Variants in BCAR3 observed in about 807,000 individuals in gnomAD.
The protein encoded by BCAR3 is breast cancer anti-estrogen resistance protein 3.
Under a neutral mutation model 80.1 loss-of-function variants are expected in BCAR3, and 37 were observed. The ratio of observed to expected loss-of-function variants is 0.46; its 90% confidence interval spans 0.36 to 0.61. The LOEUF (loss-of-function observed/expected upper bound fraction) is 0.61, where lower values mean the gene tolerates loss of function less well. Among genes scored for constraint, BCAR3 ranks in the 20% least tolerant of loss-of-function variants. The pLI is 0.00. For synonymous variants in BCAR3, 389 were observed against 418.9 expected (o/e 0.93, Z 0.87); for missense variants, 978 against 1,068.2 (o/e 0.92, Z 1.18).
chr1:93,825,877 T>C (rs1654354093), intron 2 of BCAR3, among the ~76,000 whole-genome samples: 1 of 152,202 alleles, frequency 6.6e-6, no homozygotes, highest in Admixed American at 6.5e-5. Context: ...CTGCCCTAAT[T>C]TGCCCACATG....
chr1:93,568,962 C>G (rs1673091711), intron 9 of BCAR3, among the ~76,000 whole-genome samples: 1 of 152,198 alleles, frequency 6.6e-6, no homozygotes, highest in African/African-American at 2.4e-5. Flanking sequence ...GCTGGGACAA[C>G]AAACATGAGA....
intron 2 of BCAR3, among the ~76,000 whole-genome samples, chr1:93,768,428 C>T (rs997977391): frequency 6.6e-6 from 1 of 152,178 alleles, no homozygotes; most frequent in African/African-American, 2.4e-5. Flanking sequence ...AAACCTGCAC[C>T]ACCCATTTGG....
intron 3 of BCAR3, among the ~76,000 whole-genome samples, chr1:93,635,189 C>T (rs1675741358): frequency 6.6e-6 from 1 of 152,018 alleles, no homozygotes; most frequent in Non-Finnish European, 1.5e-5. Context: ...CACTGAACTC[C>T]AGCCTGGGCA....
intron 2 of BCAR3, among the ~76,000 whole-genome samples, chr1:93,668,061 A>C (rs1648012203): frequency 6.6e-6 from 1 of 152,144 alleles, no homozygotes; most frequent in African/African-American, 2.4e-5. Flanking sequence ...GAAGACTAAA[A>C]TACCTCACCT....
At chr1:93,693,748 C>T (rs970844028) in intron 3 of BCAR3, among the ~76,000 whole-genome samples, 8 of 152,176 alleles carry the variant, frequency 5.3e-5, no homozygotes, top group Non-Finnish European at 7.3e-5. Flanking sequence ...TCTGTAAACA[C>T]GGACTGCTGT....
At chr1:93,696,042 C>CT (rs35365686) in intron 3 of BCAR3, among the ~76,000 whole-genome samples, 19,921 of 145,940 alleles carry the variant, frequency 0.14, 1,452 homozygotes, top group African/African-American at 0.2. Context: ...CTGCTTCTCT[C>CT]TTTTTTTTTT....
chr1:93,685,931 T>G (rs180797104), upstream of BCAR3, among the ~76,000 whole-genome samples: 38 of 152,330 alleles, frequency 2.5e-4, no homozygotes, highest in Non-Finnish European at 1.5e-5. Flanking sequence ...TTTTTGGAAT[T>G]TGTATTCCTG....
Position 93,589,100 on chromosome 1 carries a change from G to A in BCAR3, c.806C>T (p.Ser269Phe), listed in dbSNP as rs747331253. ...LRCLEEHYGTSPGQAREGSLT... is the reference protein window; with the variant it reads ...LRCLEEHYGTFPGQAREGSLT... ...GCTGCCCTCCCGGGCCTGGCCTGGG[G>A]AGGTGCCATAATGCTCCTCCAGGCA... The change falls in exon 5 of 12, where the codon TCC (serine) becomes TTC (phenylalanine). Residue 269 changes from serine (S) to phenylalanine (F), a missense_variant. Physicochemically the swap from Ser to Phe is radical, Grantham distance 155. Transcript: ENST00000260502. 60 of 1,612,828 alleles carry A rather than the reference G, an allele frequency of 3.7e-5. No homozygotes were observed. Among genetic ancestry groups the A allele is most frequent in the Admixed American group, 5.0e-5 (3 of 59,976 alleles).
chr1:93,827,186 A>G (rs962421132), intron 2 of BCAR3, among the ~76,000 whole-genome samples: 1 of 152,186 alleles, frequency 6.6e-6, no homozygotes, highest in African/African-American at 2.4e-5. Flanking sequence ...CTAACAAGTG[A>G]AACAAAAGCA....
intron 3 of BCAR3, among the ~76,000 whole-genome samples, chr1:93,634,713 ACAACAAC>A (rs1317979390): frequency 1.6e-5 from 2 of 126,368 alleles, no homozygotes; most frequent in Non-Finnish European, 3.2e-5. Flanking sequence ...AACAACAACA[ACAACAAC>A]AAAAAAAAAA....
At chr1:93,845,502 A>ATATATCTC in intron 2 of BCAR3, 1 of 113,824 alleles carries the variant, frequency 8.8e-6, no homozygotes, top group Non-Finnish European at 1.8e-5. Context: ...ATATATATAT[A>ATATATCTC]AAACTTTGTT....
chr1:93,564,170 TCTCA>T (rs1206572212), intron 11 of BCAR3, among the ~76,000 whole-genome samples: 1 of 152,212 alleles, frequency 6.6e-6, no homozygotes, highest in Non-Finnish European at 1.5e-5. Flanking sequence ...AATTTTATCT[TCTCA>T]CTGAGTTGTA....
rs189425682 is a variant in BCAR3 at position 93,724,220 on chromosome 1, C to T, written c.-62-18078G>A. 1.1e-4 allele frequency among the ~76,000 whole-genome samples: 16 copies of T among 152,296 alleles called. No homozygotes were observed. The East Asian group carries it at 1.7e-3, about 17-fold the overall frequency. On this transcript the variant is annotated intron_variant, in intron 2 of 13. Coordinates refer to the BCAR3 transcript ENST00000370244. The stretch of plus-strand genomic sequence containing the variant: ...GAGGCCCCCAGAGTTAGGATGCCAG[C>T]GCTGGTGGCTGGGGGGTCCATGTCC...
At chr1:93,578,201 C>G (rs143322963) in intron 7 of BCAR3, among the ~76,000 whole-genome samples, 1 of 152,266 alleles carries the variant, frequency 6.6e-6, no homozygotes, top group African/African-American at 2.4e-5. Context: ...CTGCACGGAC[C>G]CAGGAGAGCC....
chr1:93,690,466 T>C (rs1013551050), intron 3 of BCAR3, among the ~76,000 whole-genome samples: 4 of 152,354 alleles, frequency 2.6e-5, no homozygotes, highest in African/African-American at 7.2e-5. Flanking sequence ...GATGAGGACA[T>C]GGTCCTTGCC....
At chr1:93,631,523 G>T (rs188797973) in intron 3 of BCAR3, among the ~76,000 whole-genome samples, 19 of 152,278 alleles carry the variant, frequency 1.2e-4, no homozygotes, top group African/African-American at 2.2e-4. Context: ...AGAGGACAGT[G>T]ACTATTGGGG....
At chr1:93,781,126 G>A (rs568835796) in intron 2 of BCAR3, among the ~76,000 whole-genome samples, 4 of 152,246 alleles carry the variant, frequency 2.6e-5, no homozygotes, top group Non-Finnish European at 5.9e-5. Flanking sequence ...AGTCCACTTG[G>A]CCTATGCCAG....
At chr1:93,776,328 C>T (rs1425032723) in intron 2 of BCAR3, among the ~76,000 whole-genome samples, 3 of 152,194 alleles carry the variant, frequency 2.0e-5, no homozygotes, top group African/African-American at 7.2e-5. Context: ...ACTTGGCTAA[C>T]TTTGTTTCAT....
At chr1:93,745,916 G>A (rs909726467) in intron 2 of BCAR3, among the ~76,000 whole-genome samples, 1 of 152,114 alleles carries the variant, frequency 6.6e-6, no homozygotes, top group Non-Finnish European at 1.5e-5. Context: ...ATTTTACTCT[G>A]GGCATGTTTC....
Sources: allele counts gnomAD v4.1 joint callset (sites outside exome capture counted in the v4.1 genomes callset), GRCh38; gene constraint gnomAD v4.1.1; transcripts MANE v1.5; gene names NCBI Gene and HGNC (gene_info 2026-07-23, HGNC 2026-07-21).